GFRA1: variants seen among roughly 807,000 people sequenced by gnomAD.
The protein encoded by GFRA1 is GDNF family receptor alpha-1.
In GFRA1, 16 loss-of-function variants were observed where a neutral mutation model predicts 51.6. The ratio of observed to expected loss-of-function variants is 0.31; its 90% CI spans 0.21 to 0.47. The LOEUF is 0.47. Among genes scored for constraint, GFRA1 ranks in the 20% least tolerant of loss-of-function variants. The pLI is 1.00. For missense variants in GFRA1, 530 were observed against 594.3 expected (o/e 0.89, Z 1.13); for synonymous variants, 270 against 241.3 (o/e 1.12, Z -1.10).
intron 9 of GFRA1, among the ~76,000 whole-genome samples, chr10:116,070,580 T>C (rs901662556): frequency 3.3e-5 from 5 of 152,200 alleles, no homozygotes; most frequent in African/African-American, 9.7e-5. Context: ...CACTGTATTT[T>C]AATAGATAGA....
Position 116,062,172 on chromosome 10 carries a change from C to T in GFRA1, c.*2226G>A, listed in dbSNP as rs191028011. 1.5e-3 allele frequency: 595 copies of T among 398,508 alleles called. 2 individuals carry two copies. Among genetic ancestry groups the T allele is most frequent in the African/African-American group, 0.011 (522 of 48,738 alleles). The allele number at this position is 398,508 out of a possible 1,614,324, so 24.7% of individuals were successfully genotyped here. ...ATGCTAATTAGAGCTGCTGTTACTG[C>T]AGAAGTAATCAGTAGCTTTCTACAG... On this transcript the variant is annotated 3_prime_UTR_variant, in exon 11 of 11. Transcript: ENST00000355422.
intron 5 of GFRA1, among the ~76,000 whole-genome samples, chr10:116,209,856 A>G (rs1965053938): frequency 6.6e-6 from 1 of 152,042 alleles, no homozygotes; most frequent in Non-Finnish European, 1.5e-5. Flanking sequence ...TATTTTAGAG[A>G]ATGTGTCTCC....
intron 4 of GFRA1, chr10:116,255,601 G>A (rs895006509): frequency 1.2e-4 from 155 of 1,288,024 alleles, no homozygotes; most frequent in Non-Finnish European, 1.4e-4. Context: ...CTGGGTACAC[G>A]CCCTTTCCTT....
Position 116,270,938 on chromosome 10 carries a change from C to T in GFRA1, c.218G>A (p.Arg73His), listed in dbSNP as rs1298958711. The change falls in exon 3 of 11, where the codon CGC becomes CAC. Residue 73 changes from arginine to histidine, a missense_variant. Coordinates refer to ENST00000355422, the MANE Select transcript of GFRA1 (RefSeq NM_005264.8). ...ASGLEAKDECRSAMEALKQKS... is the reference protein window; with the variant it reads ...ASGLEAKDECHSAMEALKQKS... ...CTGCTTCAGGGCCTCCATGGCGCTG[C>T]GGCACTCATCCTTGGCCTCCAGGCC... 3 of 1,614,014 alleles carry T rather than the reference C, an allele frequency of 1.9e-6. No individual in the cohort carries two copies. Among genetic ancestry groups the T allele is most frequent in the Admixed American group, 3.3e-5 (2 of 60,014 alleles).
In GFRA1 at chr10:116,194,943, A is replaced by C. The variant is rs192729034; in HGVS notation, c.433+16688T>G. 5.1e-4 allele frequency among the ~76,000 whole-genome samples: 77 copies of C among 152,334 alleles called. 1 individual carries two copies. The East Asian group carries it at 0.014, about 28-fold the overall frequency. On this transcript the variant is annotated intron_variant, in intron 5 of 10. Coordinates refer to ENST00000355422, the MANE Select transcript of GFRA1 (RefSeq NM_005264.8). Reference sequence around the variant, plus strand: ...GGCATTTTCTGTAAAGAGCCAGGCAATAAATGTTTTCAGCGTTTATCGTGC... The same window carrying C: ...GGCATTTTCTGTAAAGAGCCAGGCACTAAATGTTTTCAGCGTTTATCGTGC...
At chr10:116,260,247 C>T (rs1267028088) in intron 4 of GFRA1, among the ~76,000 whole-genome samples, 1 of 152,216 alleles carries the variant, frequency 6.6e-6, no homozygotes, top group African/African-American at 2.4e-5. Context: ...CACTCGCACA[C>T]ACAGCTGCCT....
intron 4 of GFRA1, among the ~76,000 whole-genome samples, chr10:116,264,644 T>C (rs1589923590): frequency 6.6e-6 from 1 of 152,176 alleles, no homozygotes; most frequent in East Asian, 1.9e-4. Context: ...AAAGAACTGA[T>C]AGAAGATTTC....
At chr10:116,100,642 T>C (rs544967472) in intron 6 of GFRA1, among the ~76,000 whole-genome samples, 2 of 152,270 alleles carry the variant, frequency 1.3e-5, no homozygotes, top group East Asian at 3.9e-4. Context: ...AGAAGTAACA[T>C]GATCAGATTT....
Position 116,174,080 on chromosome 10 carries a change from C to G in GFRA1, c.433+37551G>C, listed in dbSNP as rs1291396605. ...GGGCAACAAGAGCGAAACTCCATTT[C>G]AAAAAAAAAGTCAGTCAGTGGCTAG... On this transcript the variant is annotated intron_variant, in intron 5 of 10. Transcript: ENST00000355422. 2.7e-5 allele frequency among the ~76,000 whole-genome samples: 4 copies of G among 148,110 alleles called. No homozygotes were observed. The East Asian group carries it at 5.9e-4, about 22-fold the overall frequency.
At chr10:116,230,290 C>T (rs912528222) in intron 4 of GFRA1, among the ~76,000 whole-genome samples, 32 of 152,214 alleles carry the variant, frequency 2.1e-4, no homozygotes, top group African/African-American at 7.0e-4. Context: ...AATTCTTATG[C>T]TATCCCTGAA....
At chr10:116,109,608 T>C (rs565400360) in intron 6 of GFRA1, among the ~76,000 whole-genome samples, 2 of 151,970 alleles carry the variant, frequency 1.3e-5, no homozygotes, top group Non-Finnish European at 2.9e-5. Context: ...AGTCAAGAAG[T>C]GAGGACACAA....
At chr10:116,256,339 G>T (rs1433427976) in intron 4 of GFRA1, among the ~76,000 whole-genome samples, 1 of 152,042 alleles carries the variant, frequency 6.6e-6, no homozygotes, top group Non-Finnish European at 1.5e-5. Flanking sequence ...CCTCCCCGTT[G>T]CCAGCCCTAT....
At chr10:116,141,856 T>A (rs897661307) in intron 5 of GFRA1, among the ~76,000 whole-genome samples, 2 of 152,120 alleles carry the variant, frequency 1.3e-5, no homozygotes, top group Non-Finnish European at 2.9e-5. Flanking sequence ...ATTGCTGGGA[T>A]TACAGGCATA....
intron 4 of GFRA1, among the ~76,000 whole-genome samples, chr10:116,219,361 T>C (rs553764639): frequency 5.3e-5 from 8 of 152,250 alleles, no homozygotes; most frequent in African/African-American, 1.9e-4. Flanking sequence ...CAGCTCACAG[T>C]GTATTTTATA....
intron 4 of GFRA1, among the ~76,000 whole-genome samples, chr10:116,217,206 G>T (rs1354507153): frequency 1.3e-5 from 2 of 152,130 alleles, no homozygotes; most frequent in Non-Finnish European, 2.9e-5. Flanking sequence ...GGCACCAAAG[G>T]ATTATGGCCA....
chr10:116,165,536 T>C (rs1324596633), intron 5 of GFRA1, among the ~76,000 whole-genome samples: 1 of 152,182 alleles, frequency 6.6e-6, no homozygotes, highest in Non-Finnish European at 1.5e-5. Flanking sequence ...GGAATCAACC[T>C]GGTGAATTGC....
intron 5 of GFRA1, among the ~76,000 whole-genome samples, chr10:116,160,220 T>C (rs1269514586): frequency 6.6e-6 from 1 of 152,262 alleles, no homozygotes; most frequent in Admixed American, 6.5e-5. Context: ...TATGTCTTTA[T>C]GTGCCACATT....
At chr10:116,108,287 TC>T (rs1292721155) in intron 6 of GFRA1, among the ~76,000 whole-genome samples, 4 of 152,332 alleles carry the variant, frequency 2.6e-5, no homozygotes, top group South Asian at 2.1e-4. Flanking sequence ...AACAACTAGT[TC>T]CTAATATCTT....
intron 9 of GFRA1, among the ~76,000 whole-genome samples, chr10:116,070,600 T>G (rs1357253605): frequency 6.6e-6 from 1 of 152,192 alleles, no homozygotes; most frequent in Non-Finnish European, 1.5e-5. Context: ...ACTCACCTGC[T>G]TAAAGACTTC....
Sources: gnomAD v4.1 joint callset for allele counts (sites outside exome capture counted in the v4.1 genomes callset) on GRCh38, gnomAD v4.1.1 for gene constraint, MANE v1.5 for transcripts, NCBI Gene and HGNC (gene_info 2026-07-23, HGNC 2026-07-21) for gene names.